The following FRAS1 variants were observed in gnomAD, a reference collection of about 807,000 sequenced individuals.
The protein encoded by FRAS1 is extracellular matrix organizing protein FRAS1.
In FRAS1, 290 loss-of-function variants were observed where a neutral mutation model predicts 435.2. That is an observed-to-expected ratio of 0.67 (90% CI 0.61 to 0.73). The LOEUF (loss-of-function observed/expected upper bound fraction) is 0.73. FRAS1 is among the 30% of genes least tolerant of loss of function. The pLI is 0.00. For synonymous variants in FRAS1, 1,800 were observed against 1,851.0 expected, an observed-to-expected ratio of 0.97 and a Z score of 0.71; for missense variants, 4,860 against 5,001.5, an observed-to-expected ratio of 0.97 and a Z score of 0.85.
In FRAS1 at chr4:78,412,930, TAGA is replaced by T. The variant is rs534825629; in HGVS notation, c.4309-35_4309-33del. 485 of 1,331,366 alleles carry T rather than the reference TAGA, an allele frequency of 3.6e-4. 1 individual carries two copies. The highest frequency in any genetic ancestry group is 3.3e-3 in the South Asian group (250 of 75,510). The allele number at this position is 1,331,366 out of a possible 1,614,324, so 82.5% of individuals were successfully genotyped here. A position where few individuals can be genotyped will look rare whatever the true frequency, so the allele number is the denominator to read the frequency against. The stretch of plus-strand genomic sequence containing the variant: ...CCACGTACTAACATGCTCTGCTCAA[TAGA>T]AGATGAGAGGCTCACCAGGATGACT... On this transcript the variant is annotated intron_variant, in intron 31 of 73. Coordinates refer to ENST00000512123, the MANE Select transcript of FRAS1 (RefSeq NM_025074.7).
At chr4:78,388,355 A>C (rs1373291635) in intron 29 of FRAS1, among the ~76,000 whole-genome samples, 2 of 152,000 alleles carry the variant, frequency 1.3e-5, no homozygotes, top group East Asian at 1.9e-4. Context: ...AACAAAAAAA[A>C]CCCAGCTCAT....
intron 2 of FRAS1, among the ~76,000 whole-genome samples, chr4:78,226,208 T>C (rs1167586910): frequency 6.6e-6 from 1 of 152,054 alleles, no homozygotes; most frequent in Non-Finnish European, 1.5e-5. Context: ...TATTTACACA[T>C]GTGTTAAATC....
At chr4:78,423,496 A>T (rs1018448970) in intron 34 of FRAS1, among the ~76,000 whole-genome samples, 1 of 152,226 alleles carries the variant, frequency 6.6e-6, no homozygotes, top group African/African-American at 2.4e-5. Context: ...TATGTACTAC[A>T]TAACACCATG....
chr4:78,064,530 T>C (rs113106189), intron 1 of FRAS1, among the ~76,000 whole-genome samples: 2 of 152,008 alleles, frequency 1.3e-5, no homozygotes, highest in African/African-American at 4.8e-5. Flanking sequence ...TGCTTATACA[T>C]ATGCCTTGTA....
At chr4:78,179,540 C>A (rs1018644521) in intron 2 of FRAS1, among the ~76,000 whole-genome samples, 2 of 152,186 alleles carry the variant, frequency 1.3e-5, no homozygotes, top group Non-Finnish European at 2.9e-5. Context: ...TTCCCTGCTC[C>A]AGAAAATATA....
chr4:78,528,322 A>G (rs781331760), intron 70 of FRAS1, among the ~76,000 whole-genome samples: 1 of 152,188 alleles, frequency 6.6e-6, no homozygotes, highest in Non-Finnish European at 1.5e-5. Context: ...CTATGTATAC[A>G]CTTGTGAAAC....
intron 2 of FRAS1, among the ~76,000 whole-genome samples, chr4:78,076,308 G>A (rs1198708561): frequency 6.6e-6 from 1 of 152,062 alleles, no homozygotes; most frequent in African/African-American, 2.4e-5. Context: ...CTATTAATAG[G>A]CATTAACCCA....
chr4:78,323,893 G>T (rs971396781), intron 18 of FRAS1, among the ~76,000 whole-genome samples: 1 of 151,884 alleles, frequency 6.6e-6, no homozygotes, highest in Non-Finnish European at 1.5e-5. Flanking sequence ...TTTATTTGAG[G>T]TCCCTCTAGA....
intron 20 of FRAS1, among the ~76,000 whole-genome samples, chr4:78,359,677 A>C (rs1730999906): frequency 6.6e-6 from 1 of 152,200 alleles, no homozygotes; most frequent in East Asian, 1.9e-4. Flanking sequence ...CCGTAGAATG[A>C]ATACAGGTAG....
rs1578313001 is a variant in FRAS1 at position 78,420,882 on chromosome 4, AT to A, written c.4541-980del. Among the ~76,000 whole-genome samples the A allele has an allele frequency of 1.2e-4, 3 of 25,524 alleles. No homozygotes were observed. The East Asian group carries it at 2.1e-3, about 18-fold the overall frequency. 16.7% of individuals were successfully genotyped at this position (25,524 alleles called of 152,430 possible). ...TAGAGGGACAGAACTAATAGGACAT[AT>A]ATATATATATATATATATATATATA... is the stretch of plus-strand genomic sequence containing the variant. On this transcript the variant is annotated intron_variant, in intron 33 of 73. Transcript: ENST00000512123.
At chr4:78,411,005 C>T (rs1016955876) in intron 31 of FRAS1, among the ~76,000 whole-genome samples, 4 of 152,138 alleles carry the variant, frequency 2.6e-5, no homozygotes, top group Non-Finnish European at 4.4e-5. Context: ...ATTTTAGTGT[C>T]CCTAAAGGAT....
At chr4:78,119,244 G>A (rs973569710) in intron 2 of FRAS1, among the ~76,000 whole-genome samples, 2 of 152,082 alleles carry the variant, frequency 1.3e-5, no homozygotes, top group Non-Finnish European at 2.9e-5. Flanking sequence ...ATTGCTAACT[G>A]TAGTCATCCT....
Position 78,146,511 on chromosome 4 carries a change from T to G in FRAS1, c.108+80495T>G, listed in dbSNP as rs527976373. On this transcript the variant is annotated intron_variant, in intron 2 of 73. Coordinates refer to ENST00000512123, the MANE Select transcript of FRAS1 (RefSeq NM_025074.7). ...TTTTAGAGCTTTTTATTATAGAAAA[T>G]TATACCCCAAAACATAGCGAGAATA... is the stretch of plus-strand genomic sequence containing the variant. Among the ~76,000 whole-genome samples the G allele has an allele frequency of 4.1e-3, 622 of 152,232 alleles. 5 individuals are homozygous for G. The highest frequency in any genetic ancestry group is 0.014 in the African/African-American group (587 of 41,548).
At chr4:78,254,683 G>C (rs1433162553) in intron 5 of FRAS1, among the ~76,000 whole-genome samples, 1 of 152,126 alleles carries the variant, frequency 6.6e-6, no homozygotes, top group Non-Finnish European at 1.5e-5. Context: ...ATCAACTGGG[G>C]CCAACAACAT....
Position 78,077,894 on chromosome 4 carries a change from C to A in FRAS1, c.108+11878C>A, listed in dbSNP as rs534762087. 3.5e-5 allele frequency among the ~76,000 whole-genome samples: 5 copies of A among 144,584 alleles called. No homozygotes were observed. In the South Asian group the frequency reaches 9.1e-4, roughly 26 times the overall value. 94.9% of individuals were successfully genotyped at this position (144,584 alleles called of 152,430 possible). A position where few individuals can be genotyped will look rare whatever the true frequency, so the allele number is the denominator to read the frequency against. On this transcript the variant is annotated intron_variant, in intron 2 of 73. Coordinates refer to ENST00000512123, the MANE Select transcript of FRAS1 (RefSeq NM_025074.7). Reference sequence around the variant, plus strand: ...TTTATTTATTATACTGAAAGCAATACAGCCTTGTTCTAAAAAAAAAAAAAC... The same window carrying A: ...TTTATTTATTATACTGAAAGCAATAAAGCCTTGTTCTAAAAAAAAAAAAAC...
At chr4:78,186,847 G>C (rs1233573742) in intron 2 of FRAS1, among the ~76,000 whole-genome samples, 2 of 152,194 alleles carry the variant, frequency 1.3e-5, no homozygotes, top group Non-Finnish European at 2.9e-5. Flanking sequence ...GCTCTGCTAT[G>C]TCTAATTATG....
chr4:78,496,595 A>G (rs7698976), intron 59 of FRAS1, among the ~76,000 whole-genome samples: 150,452 of 152,344 alleles, frequency 0.99, 74,302 homozygotes, highest in East Asian at 1. Flanking sequence ...GGTTTGGCAT[A>G]TTCTAATACA....
chr4:78,221,333 A>G (rs1334064738), intron 2 of FRAS1, among the ~76,000 whole-genome samples: 1 of 152,230 alleles, frequency 6.6e-6, no homozygotes, highest in Non-Finnish European at 1.5e-5. Flanking sequence ...TAAATACTGT[A>G]CGTACACAAA....
At chr4:78,334,164 A>G (rs1349761444) in intron 19 of FRAS1, among the ~76,000 whole-genome samples, 4 of 152,252 alleles carry the variant, frequency 2.6e-5, no homozygotes, top group Admixed American at 1.3e-4. Context: ...GGAAGGATTG[A>G]AAGTTCAGAA....
Sources: allele counts gnomAD v4.1 joint callset (sites outside exome capture counted in the v4.1 genomes callset), GRCh38; gene constraint gnomAD v4.1.1; transcripts MANE v1.5; gene names NCBI Gene and HGNC (gene_info 2026-07-23, HGNC 2026-07-21).